Variants in EYS observed in about 807,000 individuals in gnomAD.
EYS encodes EGF-like photoreceptor maintenance factor.
In EYS, 250 loss-of-function variants were observed where a neutral mutation model predicts 282.1. The observed-to-expected ratio is 0.89, with a 90% CI of 0.80 to 0.98. The LOEUF (loss-of-function observed/expected upper bound fraction) is 0.98. Ranked by LOEUF, EYS falls within the 50% of genes least tolerant of loss-of-function variation. EYS has a pLI of 0.00. For synonymous variants in EYS, 1,355 were observed against 1,282.9 expected, an observed-to-expected ratio of 1.06 and a Z score of -1.20; for missense variants, 4,016 against 3,709.0, an observed-to-expected ratio of 1.08 and a Z score of -2.15.
intron 22 of EYS, among the ~76,000 whole-genome samples, chr6:64,812,819 A>G (rs9445420): frequency 6.4e-4 from 98 of 152,126 alleles, no homozygotes; most frequent in African/African-American, 2.4e-3. Flanking sequence ...TTCTCAAATG[A>G]CCAATCCATT....
At chr6:63,948,841 A>G (rs1167471709) in intron 35 of EYS, among the ~76,000 whole-genome samples, 1 of 152,086 alleles carries the variant, frequency 6.6e-6, no homozygotes. Context: ...AATTATTTAC[A>G]TACTGTATAT....
At chr6:63,929,010 C>G (rs965619327) in intron 35 of EYS, among the ~76,000 whole-genome samples, 12 of 152,232 alleles carry the variant, frequency 7.9e-5, no homozygotes, top group African/African-American at 2.9e-4. Context: ...TAATTTGAGG[C>G]TAACTGAAAC....
At chr6:64,025,301 G>A (rs1484333831) in intron 33 of EYS, among the ~76,000 whole-genome samples, 1 of 152,046 alleles carries the variant, frequency 6.6e-6, no homozygotes, top group Non-Finnish European at 1.5e-5. Context: ...GCTGAGGATC[G>A]ACAGAGAGGA....
chr6:65,402,415 T>C (rs1000092964), intron 7 of EYS, 63 bp downstream of exon 7: 15 of 1,131,332 alleles, frequency 1.3e-5, no homozygotes, highest in Non-Finnish European at 2.0e-5. Context: ...CATTATATTT[T>C]TGTTCACATG....
chr6:64,389,822 G>A (rs948019293), intron 28 of EYS, among the ~76,000 whole-genome samples: 6 of 152,138 alleles, frequency 3.9e-5, no homozygotes, highest in African/African-American at 4.8e-5. Flanking sequence ...CGTGAGCGAC[G>A]CAGAAGATGG....
intron 12 of EYS, among the ~76,000 whole-genome samples, chr6:65,150,944 A>G (rs1186338538): frequency 6.6e-6 from 1 of 152,050 alleles, no homozygotes; most frequent in Non-Finnish European, 1.5e-5. Context: ...TTAATAAATC[A>G]TATGATCAGG....
intron 26 of EYS, among the ~76,000 whole-genome samples, chr6:64,579,733 G>C (rs1230602513): frequency 6.6e-6 from 1 of 152,032 alleles, no homozygotes; most frequent in Non-Finnish European, 1.5e-5. Flanking sequence ...CTGATATTAA[G>C]TCCTGAAATT....
At chr6:64,340,152 ATCC>A (rs1021934774) in intron 29 of EYS, among the ~76,000 whole-genome samples, 1 of 151,578 alleles carries the variant, frequency 6.6e-6, no homozygotes, top group Non-Finnish European at 1.5e-5. Context: ...AAAGAGCCCT[ATCC>A]TCTGAAAGTT....
chr6:64,102,902 T>TC (rs111378657), intron 31 of EYS, among the ~76,000 whole-genome samples: 6,404 of 152,244 alleles, frequency 0.042, 393 homozygotes, highest in African/African-American at 0.14. Context: ...ATCTTTTTTT[T>TC]CATGACTTCA....
chr6:64,159,554 T>G (rs1446434431), intron 31 of EYS, among the ~76,000 whole-genome samples: 1 of 100,780 alleles, frequency 9.9e-6, no homozygotes, highest in Non-Finnish European at 1.9e-5. Flanking sequence ...AGCGAGACTC[T>G]GTCTTAAAAA....
intron 22 of EYS, among the ~76,000 whole-genome samples, chr6:64,779,930 ACC>A (rs1773807107): frequency 6.6e-6 from 1 of 152,228 alleles, no homozygotes; most frequent in Non-Finnish European, 1.5e-5. Flanking sequence ...TCCAAGGGCC[ACC>A]ATAAATGCTA....
At chr6:65,528,539 A>G (rs1477181591) in intron 2 of EYS, among the ~76,000 whole-genome samples, 1 of 152,188 alleles carries the variant, frequency 6.6e-6, no homozygotes, top group Non-Finnish European at 1.5e-5. Flanking sequence ...GTAAAAAAGT[A>G]ACTTGACCCC....
At chr6:65,459,990 A>T (rs1046818300) in intron 5 of EYS, among the ~76,000 whole-genome samples, 1 of 136,018 alleles carries the variant, frequency 7.4e-6, no homozygotes, top group African/African-American at 2.7e-5. Flanking sequence ...ATATATATAT[A>T]TATATATATA....
At chr6:65,595,451 T>G (rs2149787008) in intron 2 of EYS, among the ~76,000 whole-genome samples, 1 of 150,994 alleles carries the variant, frequency 6.6e-6, no homozygotes, top group South Asian at 2.1e-4. Flanking sequence ...ACATGTACCC[T>G]AGAACTTAAA....
intron 32 of EYS, among the ~76,000 whole-genome samples, chr6:64,067,236 C>A (rs750982610): frequency 6.6e-5 from 10 of 152,024 alleles, no homozygotes; most frequent in Non-Finnish European, 1.2e-4. Context: ...TTTAACTTTC[C>A]TAATTGAAGT....
intron 30 of EYS, among the ~76,000 whole-genome samples, chr6:64,261,502 A>AAT (rs1302295574): frequency 7.9e-5 from 12 of 152,142 alleles, no homozygotes; most frequent in African/African-American, 2.9e-4. Flanking sequence ...ACTTGCACAT[A>AAT]AATGGTAAAT....
intron 31 of EYS, among the ~76,000 whole-genome samples, chr6:64,121,880 T>C (rs1417472486): frequency 6.6e-6 from 1 of 152,190 alleles, no homozygotes; most frequent in Non-Finnish European, 1.5e-5. Flanking sequence ...AGCTCATCTA[T>C]AGACAGGGCT....
intron 33 of EYS, among the ~76,000 whole-genome samples, chr6:64,029,411 T>C (rs1463320383): frequency 6.6e-6 from 1 of 152,180 alleles, no homozygotes; most frequent in African/African-American, 2.4e-5. Flanking sequence ...TCTGGACTAC[T>C]TATGATGTAA....
intron 2 of EYS, among the ~76,000 whole-genome samples, chr6:65,592,988 C>T (rs544953498): frequency 6.6e-6 from 1 of 152,046 alleles, no homozygotes; most frequent in South Asian, 2.1e-4. Flanking sequence ...TCCAGTAACT[C>T]CAGCAATAGG....
Sources: allele counts gnomAD v4.1 joint callset (sites outside exome capture counted in the v4.1 genomes callset), GRCh38; gene constraint gnomAD v4.1.1; transcripts MANE v1.5; gene names NCBI Gene and HGNC (gene_info 2026-07-23, HGNC 2026-07-21).